Variants in ARHGAP1 observed in about 807,000 individuals in gnomAD.
ARHGAP1 encodes Rho GTPase activating protein 1.
Under a neutral mutation model 52.2 loss-of-function variants are expected in ARHGAP1, and 23 were observed. The ratio of observed to expected loss-of-function variants is 0.44; its 90% confidence interval spans 0.32 to 0.62. The LOEUF (loss-of-function observed/expected upper bound fraction) is 0.62. ARHGAP1 is among the 20% of genes least tolerant of loss of function. ARHGAP1 has a pLI of 0.05. For missense variants in ARHGAP1, 480 were observed against 560.9 expected, an observed-to-expected ratio of 0.86 and a Z score of 1.46; for synonymous variants, 210 against 228.4, an observed-to-expected ratio of 0.92 and a Z score of 0.73.
At chr11:46,695,479 C>A (rs2064644922) in intron 3 of ARHGAP1, 181 bp downstream of exon 3, 1 of 707,144 alleles carries the variant, frequency 1.4e-6, no homozygotes. Context: ...AAGAGCAGAG[C>A]TGGAGATCAA....
intron 4 of ARHGAP1, among the ~76,000 whole-genome samples, chr11:46,685,955 T>C (rs1224751246): frequency 6.6e-6 from 1 of 150,964 alleles, no homozygotes; most frequent in African/African-American, 2.4e-5. Context: ...ATTACAGGCA[T>C]GAGCCACCGT....
chr11:46,698,059 C>T (rs2064670565), intron 1 of ARHGAP1, among the ~76,000 whole-genome samples: 1 of 152,214 alleles, frequency 6.6e-6, no homozygotes, highest in Non-Finnish European at 1.5e-5. Context: ...GGGGCTCCTT[C>T]AGCCCCACCT....
chr11:46,699,918 T>C (rs1306704035), intron 1 of ARHGAP1, among the ~76,000 whole-genome samples: 1 of 150,572 alleles, frequency 6.6e-6, no homozygotes, highest in Non-Finnish European at 1.5e-5. Flanking sequence ...ACGTCTATAA[T>C]CCCAGCACTT....
intron 4 of ARHGAP1, among the ~76,000 whole-genome samples, chr11:46,683,710 G>A (rs1056786332): frequency 1.3e-5 from 2 of 151,236 alleles, no homozygotes; most frequent in Admixed American, 1.3e-4. Flanking sequence ...GCATGATCTC[G>A]GCTCACCAAA....
chr11:46,680,990 C>G lies in ARHGAP1; in HGVS notation c.635+21G>C, dbSNP rs2064521629. The G allele has an allele frequency of 1.2e-6, 2 of 1,610,186 alleles. No homozygotes were observed. The highest frequency in any genetic ancestry group is 1.7e-5 in the Admixed American group (1 of 59,970). On this transcript the variant is annotated intron_variant, in intron 7 of 12. Transcript: ENST00000311956. This position sits in a 1 kb window ranked among gnomAD's most constrained non-coding sequence, Gnocchi z 5.9. Reference sequence around the variant, plus strand: ...TCATTACCCTGGCTTCACGAGCCCCCAGCCGCCGCACCCGCCTCACTTGAG... The same window carrying G: ...TCATTACCCTGGCTTCACGAGCCCCGAGCCGCCGCACCCGCCTCACTTGAG...
At chr11:46,694,423 A>G (rs1461159209) in intron 3 of ARHGAP1, among the ~76,000 whole-genome samples, 1 of 151,936 alleles carries the variant, frequency 6.6e-6, no homozygotes, top group Non-Finnish European at 1.5e-5. Context: ...GCGAGCCAGG[A>G]CGGACACCTA....
At chr11:46,695,935 TA>T in intron 2 of ARHGAP1, 39 bp downstream of exon 2, 1 of 1,613,774 alleles carries the variant, frequency 6.2e-7, no homozygotes, top group South Asian at 1.1e-5. Flanking sequence ...CTTCCCCCTC[TA>T]AAGCGCCTGT....
At position 46,679,820 on chromosome 11, in the gene ARHGAP1, G is replaced by A. The variant is rs527579185; in HGVS notation, c.899-44C>T. 1.8e-5 allele frequency: 29 copies of A among 1,610,076 alleles called. No homozygotes were observed. The highest frequency in any genetic ancestry group is 2.3e-5 in the Non-Finnish European group (27 of 1,179,182). On this transcript the variant is annotated intron_variant, in intron 10 of 12. Transcript: ENST00000311956. The surrounding 1 kb of genome is among the most constrained non-coding windows in gnomAD (Gnocchi z 4.4). Reference sequence around the variant, plus strand: ...GAGAGAAGCTCGGCACAGCCTGAAGGGCAGCACCCATCTGCAGACAACGCG... The same window carrying A: ...GAGAGAAGCTCGGCACAGCCTGAAGAGCAGCACCCATCTGCAGACAACGCG...
Position 46,678,113 on chromosome 11 carries a change from G to A in ARHGAP1, c.*924C>T. 3.3e-6 allele frequency: 1 copy of A among 300,202 alleles called. No individual in the cohort carries two copies. The highest frequency in any genetic ancestry group is 2.5e-5 in the South Asian group (1 of 39,842). 18.6% of individuals were successfully genotyped at this position (300,202 alleles called of 1,614,324 possible). A position where few individuals can be genotyped will look rare whatever the true frequency, so the allele number is the denominator to read the frequency against. ...CCCCAGCTGGAGGAAGGAGCCATAA[G>A]ATCCTGAGGCACTGAGTCACCTCTG... On this transcript the variant is annotated 3_prime_UTR_variant, in exon 13 of 13. Transcript: ENST00000311956.
At position 46,680,336 on chromosome 11, in the gene ARHGAP1, C is replaced by T; in HGVS notation, c.821-54G>A. 6.3e-7 allele frequency: 1 copy of T among 1,598,710 alleles called. No homozygotes were observed. The highest frequency in any genetic ancestry group is 8.6e-7 in the Non-Finnish European group (1 of 1,166,536). ...CCGAGCGCTGGGCACCGGCTGGATT[C>T]CCTGCCCCTTCTCTGTCTTGGGGTT... On this transcript the variant is annotated intron_variant, in intron 9 of 12. Transcript: ENST00000311956. The surrounding 1 kb of genome is among the most constrained non-coding windows in gnomAD (Gnocchi z 5.9).
At chr11:46,689,760 C>T (rs2064597103) in intron 3 of ARHGAP1, among the ~76,000 whole-genome samples, 1 of 151,968 alleles carries the variant, frequency 6.6e-6, no homozygotes, top group South Asian at 2.1e-4. Flanking sequence ...AAGCTGGTCT[C>T]GAACTCCTGA....
chr11:46,685,555 G>A (rs1278253729), intron 4 of ARHGAP1, among the ~76,000 whole-genome samples: 1 of 151,848 alleles, frequency 6.6e-6, no homozygotes, highest in Admixed American at 6.6e-5. Flanking sequence ...TTGAACTCCT[G>A]ACCTCGTGAT....
At chr11:46,682,247 G>A in intron 4 of ARHGAP1, 65 bp from the exon 5 acceptor site, 3 of 1,595,644 alleles carry the variant, frequency 1.9e-6, no homozygotes, top group East Asian at 2.2e-5. Flanking sequence ...AAGACAGAAA[G>A]CAGCCCCAAG....
At position 46,679,610 on chromosome 11, in the gene ARHGAP1, G is replaced by A. The variant is rs771280427; in HGVS notation, c.1027+38C>T. 5.0e-6 allele frequency: 8 copies of A among 1,613,080 alleles called. No homozygotes were observed. Among genetic ancestry groups the A allele is most frequent in the Non-Finnish European group, 6.8e-6 (8 of 1,179,542 alleles). On this transcript the variant is annotated intron_variant, in intron 11 of 12. Transcript: ENST00000311956. This position sits in a 1 kb window ranked among gnomAD's most constrained non-coding sequence, Gnocchi z 4.4. ...AAAGCCTGCAGCGCACCTGCCCCAA[G>A]TCCAGCCCCAGGCCCAACAGAAGAG...
Position 46,679,603 on chromosome 11 carries a change from G to T in ARHGAP1, c.1027+45C>A. On this transcript the variant is annotated intron_variant, in intron 11 of 12. Transcript: ENST00000311956. The surrounding 1 kb of genome is among the most constrained non-coding windows in gnomAD (Gnocchi z 4.4). ...AGGCCCGAAAGCCTGCAGCGCACCT[G>T]CCCCAAGTCCAGCCCCAGGCCCAAC... 6.2e-7 allele frequency: 1 copy of T among 1,612,622 alleles called. No individual in the cohort carries two copies. Among genetic ancestry groups the T allele is most frequent in the South Asian group, 1.1e-5 (1 of 91,040 alleles).
At chr11:46,695,432 T>G (rs1181646386) in intron 3 of ARHGAP1, 1 of 624,106 alleles carries the variant, frequency 1.6e-6, no homozygotes, top group African/African-American at 1.8e-5. Context: ...TGACATGCAT[T>G]CATTATTGTA....
In ARHGAP1 at chr11:46,695,968, A is replaced by C. The variant is rs762332629; in HGVS notation, c.133+7T>G. On this transcript the variant is annotated splice_region_variant and intron_variant, in intron 2 of 12. Transcript: ENST00000311956. ...CTGTAGCTGCCTGAGACCAGACACA[A>C]GCCCACCTGACTTGGGGAAGTCAGG... The C allele has an allele frequency of 1.6e-5, 26 of 1,614,068 alleles. No individual in the cohort carries two copies. The East Asian group carries it at 5.8e-4, about 36-fold the overall frequency.
intron 1 of ARHGAP1, among the ~76,000 whole-genome samples, chr11:46,699,121 A>C (rs2064679273): frequency 6.6e-6 from 1 of 152,190 alleles, no homozygotes; most frequent in African/African-American, 2.4e-5. Flanking sequence ...AATTGGTAAC[A>C]TGTGTGGACT....
intron 4 of ARHGAP1, 121 bp downstream of exon 4, chr11:46,688,051 AG>A: frequency 1.1e-6 from 1 of 871,132 alleles, no homozygotes; most frequent in Non-Finnish European, 1.8e-6. Flanking sequence ...TCATGAGAAG[AG>A]GGAAGGCATT....
Sources: allele counts gnomAD v4.1 joint callset (sites outside exome capture counted in the v4.1 genomes callset), GRCh38; gene constraint gnomAD v4.1.1; non-coding constraint Gnocchi (gnomAD v3.1); transcripts MANE v1.5; gene names NCBI Gene and HGNC (gene_info 2026-07-23, HGNC 2026-07-21).